The following ROBO1 variants were observed in gnomAD, a reference collection of about 807,000 sequenced individuals.
ROBO1 encodes the protein roundabout homolog 1.
Under a neutral mutation model 195.9 loss-of-function variants are expected in ROBO1, and 149 were observed. The observed-to-expected ratio is 0.76, with a 90% CI of 0.67 to 0.87. The LOEUF is 0.87. Ranked by LOEUF, ROBO1 falls within the 40% of genes least tolerant of loss-of-function variation. ROBO1 has a pLI of 0.00. For synonymous variants in ROBO1, 816 were observed against 733.2 expected, an observed-to-expected ratio of 1.11 and a Z score of -1.82; for missense variants, 1,933 against 2,068.3, an observed-to-expected ratio of 0.93 and a Z score of 1.27.
chr3:79,271,707 T>C (rs1431536556), intron 2 of ROBO1, among the ~76,000 whole-genome samples: 4 of 151,990 alleles, frequency 2.6e-5, no homozygotes, highest in Non-Finnish European at 5.9e-5. Flanking sequence ...TATATATATA[T>C]GCATATGCTT....
intron 3 of ROBO1, among the ~76,000 whole-genome samples, chr3:78,989,287 C>T (rs950397551): frequency 1.3e-5 from 2 of 152,086 alleles, no homozygotes; most frequent in African/African-American, 2.4e-5. Flanking sequence ...TAAAGTTATT[C>T]TTTGTCTATT....
At chr3:79,272,119 A>T (rs1407867711) in intron 2 of ROBO1, among the ~76,000 whole-genome samples, 1 of 152,108 alleles carries the variant, frequency 6.6e-6, no homozygotes, top group Non-Finnish European at 1.5e-5. Context: ...TTTACTGAGC[A>T]CCTGTAATGT....
At chr3:79,744,966 A>G (rs1560151471) in intron 1 of ROBO1, among the ~76,000 whole-genome samples, 1 of 152,118 alleles carries the variant, frequency 6.6e-6, no homozygotes, top group East Asian at 1.9e-4. Context: ...TTAAATGCCT[A>G]TTTTTTCTAT....
intron 2 of ROBO1, among the ~76,000 whole-genome samples, chr3:79,292,187 T>C (rs758654658): frequency 3.9e-5 from 6 of 152,200 alleles, no homozygotes; most frequent in Non-Finnish European, 7.3e-5. Context: ...TGTCTATTAT[T>C]GGTGTATAGG....
At chr3:79,368,523 C>T (rs2036059772) in intron 2 of ROBO1, among the ~76,000 whole-genome samples, 1 of 152,046 alleles carries the variant, frequency 6.6e-6, no homozygotes, top group Non-Finnish European at 1.5e-5. Flanking sequence ...GAGCTCCCAG[C>T]TCTGAGCTGT....
At chr3:78,642,237 A>G (rs1363928274) in intron 21 of ROBO1, among the ~76,000 whole-genome samples, 5 of 152,184 alleles carry the variant, frequency 3.3e-5, no homozygotes, top group South Asian at 2.1e-4. Context: ...GGGCAAATGC[A>G]CTTTAGTAAT....
intron 2 of ROBO1, among the ~76,000 whole-genome samples, chr3:79,462,758 TG>T (rs1284901820): frequency 6.6e-6 from 1 of 152,236 alleles, no homozygotes; most frequent in African/African-American, 2.4e-5. Flanking sequence ...TTGTATTTTT[TG>T]TACCTGTCTG....
intron 1 of ROBO1, among the ~76,000 whole-genome samples, chr3:79,744,051 A>C (rs141701683): frequency 2.0e-3 from 299 of 152,332 alleles, no homozygotes; most frequent in Middle Eastern, 6.8e-3. Context: ...ATTTATTATC[A>C]AGTATTCTGT....
chr3:79,524,625 A>G (rs1045064382), intron 2 of ROBO1, among the ~76,000 whole-genome samples: 2 of 152,160 alleles, frequency 1.3e-5, no homozygotes, highest in African/African-American at 2.4e-5. Flanking sequence ...CCAAACTTAT[A>G]TTAACTGTGA....
chr3:78,822,138 C>A (rs1576234627), intron 4 of ROBO1, among the ~76,000 whole-genome samples: 1 of 151,146 alleles, frequency 6.6e-6, no homozygotes, highest in East Asian at 2.0e-4. Context: ...GGTGTTGGTT[C>A]AGGGCTAATT....
At chr3:78,951,095 C>G (rs1310197574) in intron 3 of ROBO1, among the ~76,000 whole-genome samples, 1 of 150,372 alleles carries the variant, frequency 6.7e-6, no homozygotes, top group Non-Finnish European at 1.5e-5. Flanking sequence ...ATATATAACT[C>G]TGACTCACTT....
chr3:79,721,435 C>A lies in ROBO1; in HGVS notation c.-51+46317G>T, dbSNP rs1576282007. Among the ~76,000 whole-genome samples the A allele has an allele frequency of 2.0e-5, 3 of 152,188 alleles. No homozygotes were observed. In the Middle Eastern group the frequency reaches 0.01, roughly 518 times the overall value. ...CTTATAAAACTCATGAATCTTTAAT[C>A]AAGTCAGTGATTCAAATATTGGTTT... On this transcript the variant is annotated intron_variant, in intron 1 of 30. Transcript: ENST00000464233.
chr3:79,008,888 C>CGTGTGTGTGTGTGTGT (rs375134341), intron 3 of ROBO1, among the ~76,000 whole-genome samples: 48 of 121,276 alleles, frequency 4.0e-4, no homozygotes, highest in African/African-American at 9.2e-4. Flanking sequence ...TGCACCCAGC[C>CGTGTGTGTGTGTGTGT]GTGTGTGTGT....
chr3:79,275,864 A>C (rs991150820), intron 2 of ROBO1, among the ~76,000 whole-genome samples: 1 of 151,040 alleles, frequency 6.6e-6, no homozygotes, highest in African/African-American at 2.4e-5. Flanking sequence ...AAATCAAGAA[A>C]GTAATCCCAT....
At chr3:78,640,289 A>G (rs1705860129) in intron 21 of ROBO1, among the ~76,000 whole-genome samples, 1 of 152,224 alleles carries the variant, frequency 6.6e-6, no homozygotes, top group Non-Finnish European at 1.5e-5. Context: ...CCATTAAAAA[A>G]TTGTGACTCC....
intron 2 of ROBO1, among the ~76,000 whole-genome samples, chr3:79,308,509 C>T (rs915898428): frequency 6.6e-6 from 1 of 152,062 alleles, no homozygotes; most frequent in Non-Finnish European, 1.5e-5. Flanking sequence ...CTATGATGTG[C>T]TTAGTACTAT....
chr3:79,256,780 A>T (rs2082842427), intron 2 of ROBO1, among the ~76,000 whole-genome samples: 1 of 152,136 alleles, frequency 6.6e-6, no homozygotes. Flanking sequence ...CTTAACTTTT[A>T]AAAGCAAAAA....
intron 2 of ROBO1, among the ~76,000 whole-genome samples, chr3:79,279,522 A>G (rs952574211): frequency 7.9e-5 from 12 of 152,160 alleles, no homozygotes; most frequent in African/African-American, 2.9e-4. Flanking sequence ...GTTGGTGGGT[A>G]AGTAAACTAA....
At chr3:79,028,952 T>C (rs1048049085) in intron 3 of ROBO1, among the ~76,000 whole-genome samples, 2 of 152,098 alleles carry the variant, frequency 1.3e-5, no homozygotes, top group African/African-American at 4.8e-5. Context: ...ATAAGCGCTT[T>C]TCCTAAATAG....
Sources: allele counts gnomAD v4.1 joint callset (sites outside exome capture counted in the v4.1 genomes callset), GRCh38; gene constraint gnomAD v4.1.1; transcripts MANE v1.5; gene names NCBI Gene and HGNC (gene_info 2026-07-23, HGNC 2026-07-21).